The following RBFOX1 variants were observed in gnomAD, a reference collection of about 807,000 sequenced individuals.
The protein encoded by RBFOX1 is RNA binding protein fox-1 homolog 1.
RBFOX1 carries 8 observed loss-of-function variants against 57.7 expected under a neutral mutation model. The ratio of observed to expected loss-of-function variants is 0.14; its 90% CI spans 0.08 to 0.25. The LOEUF is 0.25. Among genes scored for constraint, RBFOX1 ranks in the 10% least tolerant of loss-of-function variants. The pLI is 1.00. For missense variants in RBFOX1, 611 were observed against 548.5 expected, an observed-to-expected ratio of 1.11 and a Z score of -1.14; for synonymous variants, 326 against 222.4, an observed-to-expected ratio of 1.47 and a Z score of -4.15.
At chr16:5,701,991 G>C (rs2051065567) in intron 3 of RBFOX1, among the ~76,000 whole-genome samples, 1 of 152,170 alleles carries the variant, frequency 6.6e-6, no homozygotes, top group South Asian at 2.1e-4. Context: ...CTAGAAGAAT[G>C]CCTGGTAGAA....
intron 4 of RBFOX1, among the ~76,000 whole-genome samples, chr16:5,983,031 G>A (rs929927124): frequency 2.0e-5 from 3 of 152,120 alleles, no homozygotes; most frequent in East Asian, 1.9e-4. Context: ...CACACAGACC[G>A]CCTCTAAGTC....
intron 4 of RBFOX1, among the ~76,000 whole-genome samples, chr16:7,310,201 G>A (rs999981385): frequency 3.9e-5 from 6 of 152,200 alleles, no homozygotes; most frequent in Admixed American, 1.3e-4. Context: ...CGCCTCTGCT[G>A]GGAGACAGAG....
intron 1 of RBFOX1, among the ~76,000 whole-genome samples, chr16:5,283,524 C>G (rs2063322217): frequency 1.3e-5 from 2 of 152,130 alleles, no homozygotes; most frequent in African/African-American, 4.8e-5. Context: ...AGGAGTGGAG[C>G]TGTGGCCTTT....
At chr16:6,977,625 G>T (rs1292226718) in intron 3 of RBFOX1, among the ~76,000 whole-genome samples, 1 of 152,106 alleles carries the variant, frequency 6.6e-6, no homozygotes, top group Non-Finnish European at 1.5e-5. Flanking sequence ...CTTCCAAACG[G>T]CAGGCCCCCG....
intron 1 of RBFOX1, among the ~76,000 whole-genome samples, chr16:6,190,048 G>C (rs1223398455): frequency 2.0e-5 from 3 of 152,098 alleles, no homozygotes; most frequent in Non-Finnish European, 4.4e-5. Context: ...AGTTATCTAT[G>C]TTTGTATATG....
chr16:6,997,370 T>C (rs540504272), intron 3 of RBFOX1, among the ~76,000 whole-genome samples: 1 of 152,294 alleles, frequency 6.6e-6, no homozygotes, highest in South Asian at 2.1e-4. Context: ...AAGGTACAAT[T>C]GTCAACCTAT....
chr16:5,799,541 G>GT (rs1026002275), intron 3 of RBFOX1, among the ~76,000 whole-genome samples: 2 of 152,074 alleles, frequency 1.3e-5, no homozygotes, highest in Non-Finnish European at 2.9e-5. Flanking sequence ...CAACCATTCT[G>GT]TTTTTTTCAC....
intron 3 of RBFOX1, among the ~76,000 whole-genome samples, chr16:5,761,046 A>G (rs980962091): frequency 6.6e-6 from 1 of 152,238 alleles, no homozygotes; most frequent in African/African-American, 2.4e-5. Context: ...GGTGGCCAGT[A>G]GAAGGTTCTG....
intron 2 of RBFOX1, among the ~76,000 whole-genome samples, chr16:6,363,291 C>T (rs2088949215): frequency 6.6e-6 from 1 of 152,094 alleles, no homozygotes; most frequent in Non-Finnish European, 1.5e-5. Flanking sequence ...AATGGCATTC[C>T]ATCCCAAGGG....
intron 3 of RBFOX1, among the ~76,000 whole-genome samples, chr16:6,828,963 T>G (rs796098702): frequency 1.1e-4 from 17 of 151,550 alleles, no homozygotes; most frequent in African/African-American, 3.9e-4. Context: ...TTCTTGAGTG[T>G]GTACTTTTCC....
intron 2 of RBFOX1, among the ~76,000 whole-genome samples, chr16:6,409,354 C>T (rs1309203731): frequency 1.3e-5 from 2 of 152,136 alleles, no homozygotes; most frequent in African/African-American, 2.4e-5. Flanking sequence ...GCGGATGTTG[C>T]AGTGAGCCGA....
chr16:5,383,312 G>A (rs2066175439), intron 1 of RBFOX1, among the ~76,000 whole-genome samples: 1 of 152,172 alleles, frequency 6.6e-6, no homozygotes, highest in South Asian at 2.1e-4. Context: ...TCTGCCAGGA[G>A]GGTGAGATGG....
Position 7,099,925 on chromosome 16 carries a change from T to A in RBFOX1, c.27+47827T>A, listed in dbSNP as rs141913628. Among the ~76,000 whole-genome samples, 431 of 152,026 alleles carry A rather than the reference T, an allele frequency of 2.8e-3. 2 individuals carry two copies. The highest frequency in any genetic ancestry group is 9.7e-3 in the African/African-American group (403 of 41,464). ...AAATGTTTCTTATCAGACTTAAAGT[T>A]TGTGTTGATGGTAATGGTGGAGAGG... On this transcript the variant is annotated intron_variant, in intron 4 of 15. Coordinates refer to ENST00000550418, the MANE Select transcript of RBFOX1 (RefSeq NM_018723.4).
chr16:7,579,633 C>T lies in RBFOX1; in HGVS notation c.271-144C>T, dbSNP rs1182319089. On this transcript the variant is annotated intron_variant, in intron 5 of 15. Coordinates refer to ENST00000550418, the MANE Select transcript of RBFOX1 (RefSeq NM_018723.4). The stretch of plus-strand genomic sequence containing the variant: ...TCAGAAAACACTTGCTGAATGAATG[C>T]ATGCATGCATGCGTCAGCATTTTCT... 17 of 894,154 alleles carry T rather than the reference C, an allele frequency of 1.9e-5. No individual in the cohort carries two copies. The South Asian group carries it at 2.3e-4, about 12-fold the overall frequency. 55.4% of individuals were successfully genotyped at this position (894,154 alleles called of 1,614,324 possible). A position where few individuals can be genotyped will look rare whatever the true frequency, so the allele number is the denominator to read the frequency against.
intron 2 of RBFOX1, among the ~76,000 whole-genome samples, chr16:6,575,903 A>AT (rs2097427948): frequency 6.6e-6 from 1 of 151,990 alleles, no homozygotes; most frequent in African/African-American, 2.4e-5. Context: ...ATAAAGATTA[A>AT]TAAAAACATG....
chr16:6,532,357 C>A (rs1277497167), intron 2 of RBFOX1, among the ~76,000 whole-genome samples: 1 of 152,122 alleles, frequency 6.6e-6, no homozygotes, highest in South Asian at 2.1e-4. Flanking sequence ...CGATTTCTAT[C>A]CTCTTGCCTG....
At chr16:6,793,721 G>C (rs1279085770) in intron 3 of RBFOX1, among the ~76,000 whole-genome samples, 1 of 152,152 alleles carries the variant, frequency 6.6e-6, no homozygotes, top group African/African-American at 2.4e-5. Flanking sequence ...TGTTGTTAGA[G>C]TATATTAAAT....
At chr16:7,595,008 A>G (rs1472609195) in intron 7 of RBFOX1, among the ~76,000 whole-genome samples, 1 of 152,186 alleles carries the variant, frequency 6.6e-6, no homozygotes, top group Non-Finnish European at 1.5e-5. Context: ...ATTTTTGAGA[A>G]GTAAAGGCTG....
intron 2 of RBFOX1, among the ~76,000 whole-genome samples, chr16:6,482,356 C>T (rs1013105731): frequency 1.3e-5 from 2 of 152,216 alleles, no homozygotes; most frequent in Non-Finnish European, 2.9e-5. Flanking sequence ...AGTTTTTCTA[C>T]ATCCAAGAGT....
Sources: gnomAD v4.1 joint callset for allele counts (sites outside exome capture counted in the v4.1 genomes callset) on GRCh38, gnomAD v4.1.1 for gene constraint, MANE v1.5 for transcripts, NCBI Gene and HGNC (gene_info 2026-07-23, HGNC 2026-07-21) for gene names.